Variants in ZDHHC14 observed in about 807,000 individuals in gnomAD.
The protein encoded by ZDHHC14 is zDHHC palmitoyltransferase 14.
In ZDHHC14, 16 loss-of-function variants were observed where a neutral mutation model predicts 47.7. The observed-to-expected ratio is 0.34, with a 90% CI of 0.23 to 0.51. ZDHHC14 has a LOEUF of 0.51. ZDHHC14 is among the 20% of genes least tolerant of loss of function. ZDHHC14 has a pLI of 0.97. For missense variants in ZDHHC14, 515 were observed against 662.5 expected, an observed-to-expected ratio of 0.78 and a Z score of 2.44; for synonymous variants, 293 against 278.9, an observed-to-expected ratio of 1.05 and a Z score of -0.50.
At chr6:157,625,466 T>A (rs1785369084) in intron 3 of ZDHHC14, among the ~76,000 whole-genome samples, 1 of 151,948 alleles carries the variant, frequency 6.6e-6, no homozygotes, top group South Asian at 2.1e-4. Flanking sequence ...AGAGTGGCAT[T>A]TGGACCTTGA....
chr6:157,421,443 A>T, intron 1 of ZDHHC14, among the ~76,000 whole-genome samples: 1 of 128,734 alleles, frequency 7.8e-6, no homozygotes, highest in Non-Finnish European at 1.6e-5. Flanking sequence ...CAGTGAGCTG[A>T]GATCGTGCCA....
intron 3 of ZDHHC14, among the ~76,000 whole-genome samples, chr6:157,614,378 G>C (rs1283903454): frequency 1.4e-5 from 2 of 139,924 alleles, no homozygotes; most frequent in East Asian, 4.1e-4. Context: ...TTTTTTTTTT[G>C]GTTGATGTAA....
chr6:157,399,932 G>C (rs1453411394), intron 1 of ZDHHC14, among the ~76,000 whole-genome samples: 1 of 152,206 alleles, frequency 6.6e-6, no homozygotes. Context: ...AGAACCATTT[G>C]TGTTGTCACC....
At chr6:157,391,317 T>G (rs1562406821) in intron 1 of ZDHHC14, among the ~76,000 whole-genome samples, 1 of 152,224 alleles carries the variant, frequency 6.6e-6, no homozygotes, top group Non-Finnish European at 1.5e-5. Context: ...ATCTTCCCTG[T>G]ACAGCTGCTG....
intron 3 of ZDHHC14, among the ~76,000 whole-genome samples, chr6:157,620,140 G>A (rs1488501822): frequency 2.0e-5 from 3 of 152,176 alleles, no homozygotes; most frequent in African/African-American, 7.2e-5. Flanking sequence ...ACAAAGAAAA[G>A]GGATTTATTT....
intron 2 of ZDHHC14, chr6:157,592,760 C>A: frequency 7.5e-6 from 10 of 1,334,380 alleles, no homozygotes; most frequent in African/African-American, 1.5e-5. Context: ...GTGCTGTGCT[C>A]CATTGGCCAG....
chr6:157,401,744 C>A (rs1004524323), intron 1 of ZDHHC14, among the ~76,000 whole-genome samples: 1 of 149,388 alleles, frequency 6.7e-6, no homozygotes, highest in Non-Finnish European at 1.5e-5. Context: ...TGAGGTCACC[C>A]TGCAGTAGTG....
chr6:157,410,056 C>G (rs147374801), intron 1 of ZDHHC14, among the ~76,000 whole-genome samples: 14 of 152,168 alleles, frequency 9.2e-5, no homozygotes, highest in Non-Finnish European at 1.9e-4. Flanking sequence ...GTCTCGAACT[C>G]CTGGCCTCAA....
chr6:157,566,697 G>A (rs1782915021), intron 2 of ZDHHC14, among the ~76,000 whole-genome samples: 1 of 152,140 alleles, frequency 6.6e-6, no homozygotes. Flanking sequence ...CCACCTCTCT[G>A]CCCATAGTGA....
At chr6:157,579,439 C>T (rs922988228) in intron 2 of ZDHHC14, among the ~76,000 whole-genome samples, 11 of 152,048 alleles carry the variant, frequency 7.2e-5, no homozygotes, top group African/African-American at 2.2e-4. Context: ...CCTCGTGATC[C>T]GCCCACCTCA....
chr6:157,668,696 T>C (rs1455695282), intron 8 of ZDHHC14, among the ~76,000 whole-genome samples: 1 of 151,996 alleles, frequency 6.6e-6, no homozygotes, highest in East Asian at 1.9e-4. Flanking sequence ...TGAGACTCCA[T>C]CTCAAAAAAA....
intron 2 of ZDHHC14, among the ~76,000 whole-genome samples, chr6:157,555,339 AC>A (rs901811129): frequency 2.6e-5 from 4 of 151,816 alleles, no homozygotes; most frequent in African/African-American, 9.7e-5. Context: ...AGGCTGCCTG[AC>A]CCCCCAGGCC....
chr6:157,640,348 C>T (rs1777191375), intron 5 of ZDHHC14, among the ~76,000 whole-genome samples: 1 of 152,222 alleles, frequency 6.6e-6, no homozygotes, highest in African/African-American at 2.4e-5. Flanking sequence ...CCCCAAGTTG[C>T]ATTCACTGGA....
intron 8 of ZDHHC14, among the ~76,000 whole-genome samples, chr6:157,657,053 TA>T (rs1562533306): frequency 1.8e-5 from 2 of 112,718 alleles, no homozygotes; most frequent in Non-Finnish European, 2.0e-5. Flanking sequence ...AGGGTATTTG[TA>T]TTTTTTTTTT....
intron 3 of ZDHHC14, among the ~76,000 whole-genome samples, chr6:157,606,280 A>T (rs377308624): frequency 6.6e-6 from 1 of 152,100 alleles, no homozygotes; most frequent in Non-Finnish European, 1.5e-5. Flanking sequence ...GCCATGGCCA[A>T]CATGGTAAAA....
intron 1 of ZDHHC14, among the ~76,000 whole-genome samples, chr6:157,498,150 C>T (rs1324580045): frequency 2.6e-5 from 4 of 151,858 alleles, no homozygotes; most frequent in Admixed American, 1.3e-4. Flanking sequence ...AATAAAGAGC[C>T]GGGGGGCTGG....
intron 8 of ZDHHC14, among the ~76,000 whole-genome samples, chr6:157,668,081 C>T (rs951488905): frequency 1.3e-5 from 2 of 152,150 alleles, no homozygotes. Context: ...TTGAATGTGG[C>T]AAAGTGTTTT....
Position 157,563,661 on chromosome 6 carries a change from A to G in ZDHHC14, c.406+20916A>G, listed in dbSNP as rs569798766. On this transcript the variant is annotated intron_variant, in intron 2 of 8. Transcript: ENST00000359775. The stretch of plus-strand genomic sequence containing the variant: ...GAGTGTGTCCCCAGCCAGCAGGGGC[A>G]TGCGGTGGGCACTGAACAGGACTAA... Among the ~76,000 whole-genome samples, 7 of 152,316 alleles carry G rather than the reference A, an allele frequency of 4.6e-5. No individual in the cohort carries two copies. In the South Asian group the frequency reaches 1.2e-3, roughly 27 times the overall value.
At chr6:157,539,329 A>G (rs1781660919) in intron 1 of ZDHHC14, among the ~76,000 whole-genome samples, 1 of 152,048 alleles carries the variant, frequency 6.6e-6, no homozygotes, top group Non-Finnish European at 1.5e-5. Context: ...CTTGAGCCCC[A>G]GGAGTTCAAA....
Sources: gnomAD v4.1 joint callset for allele counts (sites outside exome capture counted in the v4.1 genomes callset) on GRCh38, gnomAD v4.1.1 for gene constraint, MANE v1.5 for transcripts, NCBI Gene and HGNC (gene_info 2026-07-23, HGNC 2026-07-21) for gene names.